Variants in YJEFN3 observed in about 807,000 individuals in gnomAD.
YJEFN3 encodes the protein YjeF N-terminal domain containing 3, also known as yjeF N-terminal domain-containing protein 3.
In YJEFN3, 29 loss-of-function variants were observed where a neutral mutation model predicts 31.5. The observed-to-expected ratio is 0.92, with a 90% CI of 0.69 to 1.26. The LOEUF is 1.26. Among genes scored for constraint, YJEFN3 ranks in the 50% most tolerant of loss-of-function variants. The probability of loss-of-function intolerance (pLI) is 0.00; values close to 1 mark genes in which losing one functional copy is unlikely to be tolerated. For synonymous variants in YJEFN3, 227 were observed against 196.1 expected, an observed-to-expected ratio of 1.16 and a Z score of -1.32; for missense variants, 442 against 425.4, an observed-to-expected ratio of 1.04 and a Z score of -0.34.
chr19:19,537,223 G>T, intron 6 of YJEFN3, 96 bp from the exon 7 acceptor site: 2 of 1,161,668 alleles, frequency 1.7e-6, no homozygotes, highest in Non-Finnish European at 2.4e-6. Context: ...GCTCAGTGTT[G>T]GAGGGGAGAG....
rs962494591 is a variant in YJEFN3, at chr19:19,534,837, G to A, written c.319-197G>A. ...CACCGACCTGGCAGAGCCTGAGACCGGGCCTCTGCATCTCCAGCGGGGAAA... is the reference window on the plus strand; with the variant it reads ...CACCGACCTGGCAGAGCCTGAGACCAGGCCTCTGCATCTCCAGCGGGGAAA... On this transcript the variant is annotated intron_variant, in intron 3 of 6. Coordinates refer to ENST00000514277, the MANE Select transcript of YJEFN3 (RefSeq NM_198537.4). This position sits in a 1 kb window ranked among gnomAD's most constrained non-coding sequence, Gnocchi z 4.6. The A allele has an allele frequency of 4.7e-6, 2 of 423,618 alleles. No homozygotes were observed. The highest frequency in any genetic ancestry group is 8.3e-6 in the Non-Finnish European group (2 of 241,060). The allele number at this position is 423,618 out of a possible 1,614,324, so 26.2% of individuals were successfully genotyped here.
chr19:19,535,169 C>A (rs771124203), intron 4 of YJEFN3, 25 bp downstream of exon 4: 2 of 1,569,354 alleles, frequency 1.3e-6, no homozygotes, highest in Admixed American at 3.7e-5. Context: ...CCCCTTCGAC[C>A]TCCCAAAGTC....
intron 2 of YJEFN3, among the ~76,000 whole-genome samples, chr19:19,532,180 C>T (rs1232805747): frequency 6.6e-6 from 1 of 152,266 alleles, no homozygotes; most frequent in African/African-American, 2.4e-5. Flanking sequence ...CAGATGCCCC[C>T]AGTCCTGTCC....
intron 3 of YJEFN3, chr19:19,533,113 CTG>C: frequency 9.7e-7 from 1 of 1,031,198 alleles, no homozygotes; most frequent in South Asian, 4.3e-5. Flanking sequence ...GGTGGGGAAA[CTG>C]AAGCTCAGAG....
Position 19,532,731 on chromosome 19 carries a change from T to C in YJEFN3, c.309T>C (p.Ala103=). ...VELCGHASAV[A]VTKAFPLPAL... is the part of the protein sequence containing the mutation. ...TGTGCGGTCATGCTAGTGCCGTGGC[T>C]GTGACCAAGGTACCTGACCCCTGAC... Residue 103 remains alanine (A), a synonymous_variant, in exon 3 of 7, where the codon GCT becomes GCC. Transcript: ENST00000514277. The C allele has an allele frequency of 6.4e-7, 1 of 1,568,616 alleles. No individual in the cohort carries two copies. The highest frequency in any genetic ancestry group is 8.6e-7 in the Non-Finnish European group (1 of 1,162,792).
At chr19:19,530,605 CA>C (rs1167480093) in intron 2 of YJEFN3, among the ~76,000 whole-genome samples, 2 of 152,226 alleles carry the variant, frequency 1.3e-5, no homozygotes, top group African/African-American at 4.8e-5. Context: ...AGAGCTGTCA[CA>C]AGATGGAGGT....
intron 6 of YJEFN3, chr19:19,536,037 A>G: frequency 3.9e-6 from 2 of 518,118 alleles, no homozygotes; most frequent in Non-Finnish European, 6.8e-6. Context: ...CGGAACAAAC[A>G]GCCGCTGGCC....
intron 1 of YJEFN3, 128 bp downstream of exon 1, chr19:19,529,119 G>C (rs1265519530): frequency 6.8e-6 from 10 of 1,480,544 alleles, no homozygotes; most frequent in Non-Finnish European, 1.8e-6. Flanking sequence ...GGCACAGCCG[G>C]GATGGAGGTT....
In YJEFN3 at chr19:19,534,199, CAG is replaced by C. The variant is rs1366458904; in HGVS notation, c.319-833_319-832del. ...TGAGAGATACAGAGATGGCCAGAGA[CAG>C]ATGGAGAGAGACAGATAACAGAGAG... is the stretch of plus-strand genomic sequence containing the variant. On this transcript the variant is annotated intron_variant, in intron 3 of 6. Coordinates refer to ENST00000514277, the MANE Select transcript of YJEFN3 (RefSeq NM_198537.4). The surrounding 1 kb of genome is among the most constrained non-coding windows in gnomAD (Gnocchi z 4.6). 2.0e-6 allele frequency: 2 copies of C among 977,114 alleles called. No individual in the cohort carries two copies. Among genetic ancestry groups the C allele is most frequent in the African/African-American group, 3.5e-5 (2 of 57,064 alleles). The allele number at this position is 977,114 out of a possible 1,614,324, so 60.5% of individuals were successfully genotyped here.
Position 19,533,118 on chromosome 19 carries a change from G to C in YJEFN3, c.318+378G>C. ...CTGTTCTGCAGGTGGGGAAACTGAAGCTCAGAGGTGGCGAGGGGCCTGCCC... is the reference window on the plus strand; with the variant it reads ...CTGTTCTGCAGGTGGGGAAACTGAACCTCAGAGGTGGCGAGGGGCCTGCCC... On this transcript the variant is annotated intron_variant, in intron 3 of 6. Transcript: ENST00000514277. 10 of 1,025,930 alleles carry C rather than the reference G, an allele frequency of 9.7e-6. No individual in the cohort carries two copies. The South Asian group carries it at 4.3e-4, about 44-fold the overall frequency. The allele number at this position is 1,025,930 out of a possible 1,614,324, so 63.6% of individuals were successfully genotyped here.
intron 6 of YJEFN3, 22 bp from the exon 7 acceptor site, chr19:19,537,297 C>T (rs1421277917): frequency 6.4e-6 from 10 of 1,558,264 alleles, no homozygotes; most frequent in African/African-American, 2.7e-5. Context: ...GTTCCCAATC[C>T]CCCCGGACCC....
Position 19,528,943 on chromosome 19 carries a change from C to A in YJEFN3, c.11C>A (p.Ala4Glu). 6.5e-7 allele frequency: 1 copy of A among 1,549,018 alleles called. No homozygotes were observed. The highest frequency in any genetic ancestry group is 1.2e-5 in the South Asian group (1 of 83,946). Residue 4 changes from alanine (A) to glutamate (E), a missense_variant, in exon 1 of 7, where the codon GCA (alanine) becomes GAA (glutamate). Physicochemically the swap from Ala to Glu is moderately radical, Grantham distance 107. Transcript: ENST00000514277. ...GGGCTCACCTCGGCCATGAGCAGCG[C>A]AGCCGGCCCAGACCCGTCGGAGGCG... The part of the protein sequence containing the change: MSS[A>E]AGPDPSEAPE...
At chr19:19,533,507 T>G in intron 3 of YJEFN3, 1 of 725,736 alleles carries the variant, frequency 1.4e-6, no homozygotes, top group Non-Finnish European at 1.6e-6. Flanking sequence ...TCCCTCCTCC[T>G]CCCCTTCCGC....
intron 6 of YJEFN3, 34 bp downstream of exon 6, chr19:19,535,713 G>T: frequency 6.5e-7 from 1 of 1,541,524 alleles, no homozygotes. Context: ...ATTGGGGCCT[G>T]GGGGGCTTGG....
rs2078431651 is a variant in YJEFN3 at position 19,534,770 on chromosome 19, C to T, written c.319-264C>T. 2.8e-6 allele frequency: 1 copy of T among 356,104 alleles called. No individual in the cohort carries two copies. 22.1% of individuals were successfully genotyped at this position (356,104 alleles called of 1,614,324 possible). Reference sequence around the variant, plus strand: ...ACTCAGGCGGAGAATAAACAAACCGCACTCCGGGCGACGGGCAGTGGCTGG... The same window carrying T: ...ACTCAGGCGGAGAATAAACAAACCGTACTCCGGGCGACGGGCAGTGGCTGG... On this transcript the variant is annotated intron_variant, in intron 3 of 6. Coordinates refer to ENST00000514277, the MANE Select transcript of YJEFN3 (RefSeq NM_198537.4). The surrounding 1 kb of genome is among the most constrained non-coding windows in gnomAD (Gnocchi z 4.6).
intron 2 of YJEFN3, among the ~76,000 whole-genome samples, chr19:19,531,801 G>A (rs1169911697): frequency 4.6e-5 from 6 of 131,702 alleles, no homozygotes; most frequent in South Asian, 2.4e-4. Context: ...GCACGATCTC[G>A]GCTCACTGCA....
chr19:19,535,520 C>T lies in YJEFN3; in HGVS notation c.544-9C>T, dbSNP rs781606987. 6.2e-7 allele frequency: 1 copy of T among 1,607,442 alleles called. No homozygotes were observed. The highest frequency in any genetic ancestry group is 1.1e-5 in the South Asian group (1 of 90,548). The stretch of plus-strand genomic sequence containing the variant: ...CCTGGGCCACCCTGACCCTGCCTGC[C>T]TTCCCCAGGTGCAGCTCATTAACGA... On this transcript the variant is annotated splice_polypyrimidine_tract_variant and intron_variant, in intron 5 of 6. Transcript: ENST00000514277.
rs1041354701 is a variant in YJEFN3, at chr19:19,529,798, CAG to C, written c.209+286_209+287del. On this transcript the variant is annotated intron_variant, in intron 2 of 6. Coordinates refer to ENST00000514277, the MANE Select transcript of YJEFN3 (RefSeq NM_198537.4). ...TAAGTGAGGGGAGTGAGGGGGCTCT[CAG>C]GGGTGGGTAGGAGCTAGAACGTAGT... is the stretch of plus-strand genomic sequence containing the variant. Among the ~76,000 whole-genome samples the C allele has an allele frequency of 5.9e-4, 89 of 151,960 alleles. 1 individual carries two copies. The South Asian group carries it at 6.2e-3, about 11-fold the overall frequency.
rs1015846353 is a variant in YJEFN3 at position 19,534,139 on chromosome 19, A to G, written c.319-895A>G. ...GGCTGGGGCCACGCAGAATCAGGGC[A>G]GGGCTGGGGCCAAAATGCCTGGAGA... On this transcript the variant is annotated intron_variant, in intron 3 of 6. Transcript: ENST00000514277. This position sits in a 1 kb window ranked among gnomAD's most constrained non-coding sequence, Gnocchi z 4.6. The G allele has an allele frequency of 4.1e-6, 4 of 985,604 alleles. No homozygotes were observed. Among genetic ancestry groups the G allele is most frequent in the Non-Finnish European group, 4.8e-6 (4 of 830,116 alleles). The allele number at this position is 985,604 out of a possible 1,614,324, so 61.1% of individuals were successfully genotyped here.
Sources: gnomAD v4.1 joint callset for allele counts (sites outside exome capture counted in the v4.1 genomes callset) on GRCh38, gnomAD v4.1.1 for gene constraint, Gnocchi (gnomAD v3.1) non-coding constraint, MANE v1.5 for transcripts, NCBI Gene and HGNC (gene_info 2026-07-23, HGNC 2026-07-21) for gene names.